The following DSCAML1 variants were observed in gnomAD, a reference collection of about 807,000 sequenced individuals.
The protein encoded by DSCAML1 is DS cell adhesion molecule like 1.
DSCAML1 carries 38 observed loss-of-function variants against 200.5 expected under a neutral mutation model. The observed-to-expected ratio is 0.19, with a 90% confidence interval of 0.15 to 0.25. DSCAML1 has a LOEUF of 0.25. DSCAML1 is among the 10% of genes least tolerant of loss of function. The pLI is 1.00. For synonymous variants in DSCAML1, 1,215 were observed against 1,165.0 expected (o/e 1.04, Z -0.87); for missense variants, 2,223 against 2,858.8 (o/e 0.78, Z 5.07).
chr11:117,462,676 C>G (rs1330384139), intron 17 of DSCAML1, among the ~76,000 whole-genome samples: 1 of 152,078 alleles, frequency 6.6e-6, no homozygotes, highest in South Asian at 2.1e-4. Context: ...TAATTAGGGA[C>G]CCAGTGTAAT....
chr11:117,669,844 A>G (rs572311994), intron 3 of DSCAML1, among the ~76,000 whole-genome samples: 2 of 152,282 alleles, frequency 1.3e-5, no homozygotes, highest in East Asian at 3.9e-4. Flanking sequence ...AGAAACTGAG[A>G]TCCTTGTGGC....
intron 3 of DSCAML1, among the ~76,000 whole-genome samples, chr11:117,583,575 T>A (rs12293342): frequency 0.068 from 10,368 of 152,146 alleles, 1,174 homozygotes; most frequent in African/African-American, 0.23. Context: ...CAAGCGCCAT[T>A]ACCCTCCGTT....
chr11:117,442,181 T>C (rs959954306), intron 21 of DSCAML1, among the ~76,000 whole-genome samples: 1 of 146,228 alleles, frequency 6.8e-6, no homozygotes, highest in South Asian at 2.2e-4. Context: ...GTAGTGTGTA[T>C]AGTGTGTATG....
intron 3 of DSCAML1, among the ~76,000 whole-genome samples, chr11:117,701,338 G>A (rs761602063): frequency 3.3e-5 from 5 of 152,110 alleles, no homozygotes; most frequent in East Asian, 3.9e-4. Flanking sequence ...AGGGAGGCTC[G>A]CGCTTTGCTG....
intron 11 of DSCAML1, among the ~76,000 whole-genome samples, chr11:117,490,405 A>G (rs1038334010): frequency 6.6e-5 from 10 of 152,138 alleles, no homozygotes; most frequent in Non-Finnish European, 1.5e-4. Flanking sequence ...GCATCCACAC[A>G]CTTTCTGACC....
Position 117,431,736 on chromosome 11 carries a change from GAC to G in DSCAML1, c.5180-10_5180-9del, listed in dbSNP as rs767474209. ...TCTTCCTGGACACTGGATCTGCACA[GAC>G]AGAAGCAAGAAATTGCATCCTCCAA... On this transcript the variant is annotated splice_polypyrimidine_tract_variant and intron_variant, in intron 30 of 32. Transcript: ENST00000651296. 3.9e-6 allele frequency: 6 copies of G among 1,521,010 alleles called. No homozygotes were observed. The Admixed American group carries it at 1.2e-4, about 30-fold the overall frequency. The allele number at this position is 1,521,010 out of a possible 1,614,324, so 94.2% of individuals were successfully genotyped here.
intron 16 of DSCAML1, among the ~76,000 whole-genome samples, chr11:117,468,035 T>G (rs1444383874): frequency 6.6e-6 from 1 of 152,164 alleles, no homozygotes; most frequent in African/African-American, 2.4e-5. Context: ...TCCAGATAGA[T>G]TCACATATTT....
At chr11:117,747,215 C>A (rs185126523) in intron 3 of DSCAML1, among the ~76,000 whole-genome samples, 1 of 152,350 alleles carries the variant, frequency 6.6e-6, no homozygotes, top group East Asian at 1.9e-4. Flanking sequence ...TGACCTTGAC[C>A]TTTCCCCTAA....
chr11:117,558,408 A>AAGAT (rs1445857619), intron 3 of DSCAML1, among the ~76,000 whole-genome samples: 2 of 152,248 alleles, frequency 1.3e-5, no homozygotes, highest in Non-Finnish European at 1.5e-5. Flanking sequence ...GAGAAGCAAG[A>AAGAT]AGATAATAAA....
At chr11:117,718,678 C>CCA (rs2053996952) in intron 3 of DSCAML1, among the ~76,000 whole-genome samples, 1 of 96,874 alleles carries the variant, frequency 1.0e-5, no homozygotes, top group East Asian at 3.3e-4. Context: ...ACCCCCCCCC[C>CCA]CCCCCATCAT....
intron 14 of DSCAML1, among the ~76,000 whole-genome samples, chr11:117,477,431 T>C (rs2048820760): frequency 6.6e-6 from 1 of 151,172 alleles, no homozygotes; most frequent in Non-Finnish European, 1.5e-5. Flanking sequence ...CCAACTGCAT[T>C]GTAAGCTCCA....
intron 3 of DSCAML1, among the ~76,000 whole-genome samples, chr11:117,727,676 G>A (rs760743920): frequency 6.6e-6 from 1 of 152,216 alleles, no homozygotes; most frequent in Non-Finnish European, 1.5e-5. Flanking sequence ...TAGCAGGGAA[G>A]ACAAACAGTT....
At chr11:117,693,557 T>C (rs2053535270) in intron 3 of DSCAML1, among the ~76,000 whole-genome samples, 1 of 152,202 alleles carries the variant, frequency 6.6e-6, no homozygotes, top group Admixed American at 6.5e-5. Flanking sequence ...TCTTTGGACA[T>C]GATTGTTCAG....
At chr11:117,582,992 A>ATATTATTATTATTAT (rs6144528) in intron 3 of DSCAML1, among the ~76,000 whole-genome samples, 23,008 of 144,906 alleles carry the variant, frequency 0.16, 2,076 homozygotes, top group Admixed American at 0.25. Flanking sequence ...GGAGACAGGG[A>ATATTATTATTATTAT]TATTATTATT....
intron 3 of DSCAML1, among the ~76,000 whole-genome samples, chr11:117,762,552 T>C (rs1344799091): frequency 2.0e-5 from 3 of 152,198 alleles, no homozygotes; most frequent in Admixed American, 2.0e-4. Flanking sequence ...CATGGAATCA[T>C]GATGAGAATC....
At chr11:117,758,213 T>A (rs1243818798) in intron 3 of DSCAML1, among the ~76,000 whole-genome samples, 1 of 151,276 alleles carries the variant, frequency 6.6e-6, no homozygotes, top group South Asian at 2.1e-4. Flanking sequence ...AGGCAAATAA[T>A]TGCTTGAACG....
chr11:117,523,146 G>T (rs2137320981), intron 5 of DSCAML1, among the ~76,000 whole-genome samples: 1 of 152,302 alleles, frequency 6.6e-6, no homozygotes, highest in Middle Eastern at 3.4e-3. Context: ...CAACATGTGT[G>T]CCTGTGTCTG....
At chr11:117,700,734 C>T (rs1043770137) in intron 3 of DSCAML1, among the ~76,000 whole-genome samples, 1 of 152,224 alleles carries the variant, frequency 6.6e-6, no homozygotes, top group African/African-American at 2.4e-5. Flanking sequence ...CAGATTCTCG[C>T]CCCCACACAC....
At chr11:117,627,528 C>T (rs576708831) in intron 3 of DSCAML1, among the ~76,000 whole-genome samples, 13 of 152,234 alleles carry the variant, frequency 8.5e-5, no homozygotes, top group African/African-American at 1.2e-4. Context: ...TCCCCTGAGC[C>T]GCTGCACCCA....
Sources: gnomAD v4.1 joint callset for allele counts (sites outside exome capture counted in the v4.1 genomes callset) on GRCh38, gnomAD v4.1.1 for gene constraint, MANE v1.5 for transcripts, NCBI Gene and HGNC (gene_info 2026-07-23, HGNC 2026-07-21) for gene names.